GRAMD1B: variants seen among roughly 807,000 people sequenced by gnomAD.
GRAMD1B encodes the protein GRAM domain containing 1B.
Under a neutral mutation model 99.7 loss-of-function variants are expected in GRAMD1B, and 37 were observed. That is an observed-to-expected ratio of 0.37 (90% confidence interval 0.29 to 0.49). The LOEUF is 0.49. Among genes scored for constraint, GRAMD1B ranks in the 20% least tolerant of loss-of-function variants. The pLI is 0.98. For missense variants in GRAMD1B, 888 were observed against 1,009.2 expected, an observed-to-expected ratio of 0.88 and a Z score of 1.63; for synonymous variants, 427 against 387.6, an observed-to-expected ratio of 1.10 and a Z score of -1.19.
At chr11:123,586,196 C>T (rs894957865) in intron 4 of GRAMD1B, among the ~76,000 whole-genome samples, 1 of 152,146 alleles carries the variant, frequency 6.6e-6, no homozygotes, top group Non-Finnish European at 1.5e-5. Flanking sequence ...GTCAGGGGTT[C>T]GGATGACACA....
At chr11:123,405,205 TG>T (rs1947812948) in intron 1 of GRAMD1B, among the ~76,000 whole-genome samples, 1 of 151,676 alleles carries the variant, frequency 6.6e-6, no homozygotes, top group African/African-American at 2.4e-5. Flanking sequence ...TGTGTGTGTG[TG>T]TGTGTGTGTG....
chr11:123,513,849 T>C (rs12417333), intron 2 of GRAMD1B, among the ~76,000 whole-genome samples: 27,416 of 151,340 alleles, frequency 0.18, 2,756 homozygotes, highest in Admixed American at 0.25. Context: ...AGAAATGGAG[T>C]CTCACTATGT....
chr11:123,557,339 A>G (rs1474900581), intron 2 of GRAMD1B, among the ~76,000 whole-genome samples: 3 of 152,130 alleles, frequency 2.0e-5, no homozygotes, highest in African/African-American at 4.8e-5. Context: ...TTACTTTTCT[A>G]TTATTTAATG....
chr11:123,617,169 CTTTTTTT>C (rs34788392), intron 17 of GRAMD1B, among the ~76,000 whole-genome samples: 1 of 133,684 alleles, frequency 7.5e-6, no homozygotes, highest in Non-Finnish European at 1.6e-5. Flanking sequence ...TCTTTCTTTC[CTTTTTTT>C]TTTTTTTTTG....
chr11:123,370,184 G>A (rs1026917827), intron 1 of GRAMD1B, among the ~76,000 whole-genome samples: 2 of 151,680 alleles, frequency 1.3e-5, no homozygotes, highest in Non-Finnish European at 2.9e-5. Flanking sequence ...GGATGGTGAT[G>A]CATGCCTGTA....
chr11:123,606,889 G>A (rs1469463096), intron 11 of GRAMD1B, 91 bp downstream of exon 11: 12 of 954,504 alleles, frequency 1.3e-5, no homozygotes, highest in Middle Eastern at 2.1e-4. Flanking sequence ...TTAGTCTCTA[G>A]GTTCCTGGTG....
At chr11:123,555,895 G>A (rs702741) in intron 2 of GRAMD1B, among the ~76,000 whole-genome samples, 8,182 of 151,962 alleles carry the variant, frequency 0.054, 280 homozygotes, top group Non-Finnish European at 0.081. Flanking sequence ...CACCACGCCT[G>A]GCTAATTTTT....
At chr11:123,462,906 A>AT (rs1565519596) in intron 1 of GRAMD1B, among the ~76,000 whole-genome samples, 12 of 149,244 alleles carry the variant, frequency 8.0e-5, no homozygotes, top group African/African-American at 2.4e-4. Context: ...AAAAAAAAAA[A>AT]AAAAAAGAAA....
At chr11:123,508,038 A>C (rs967179146) in intron 2 of GRAMD1B, among the ~76,000 whole-genome samples, 2 of 152,222 alleles carry the variant, frequency 1.3e-5, no homozygotes, top group Admixed American at 6.5e-5. Context: ...TGGGGGAAAC[A>C]GTGTTGATCT....
chr11:123,485,841 A>C (rs886786519), intron 2 of GRAMD1B, among the ~76,000 whole-genome samples: 2 of 151,298 alleles, frequency 1.3e-5, no homozygotes, highest in Non-Finnish European at 2.9e-5. Context: ...CAGCCTCTCG[A>C]GTAGCTGGGA....
chr11:123,577,382 C>T lies in GRAMD1B; in HGVS notation c.468C>T (p.Ser156=), dbSNP rs1490604428. 1 of 1,587,170 alleles carries T rather than the reference C, an allele frequency of 6.3e-7. No individual in the cohort carries two copies. Among genetic ancestry groups the T allele is most frequent in the Non-Finnish European group, 8.6e-7 (1 of 1,167,378 alleles). ...RAREESTASN[S]NRSTPACSPI... ...GCCGCTGCAGCACTGCCAGTAACTC[C>T]AACCGCAGCACGCCGGCCTGCTCGC... The change falls in exon 3 of 20, where the codon TCC becomes TCT. Residue 156 remains serine, a synonymous_variant. Coordinates refer to ENST00000635736, the MANE Select transcript of GRAMD1B (RefSeq NM_001387025.1).
chr11:123,555,619 G>T (rs550262216), intron 2 of GRAMD1B, among the ~76,000 whole-genome samples: 5 of 152,292 alleles, frequency 3.3e-5, no homozygotes, highest in African/African-American at 1.2e-4. Flanking sequence ...AAAGTGCTGG[G>T]ATTACAGATG....
At chr11:123,594,404 C>A (rs1951018062) in intron 5 of GRAMD1B, among the ~76,000 whole-genome samples, 1 of 152,132 alleles carries the variant, frequency 6.6e-6, no homozygotes, top group African/African-American at 2.4e-5. Flanking sequence ...TGCAGTTGGC[C>A]CAGTGGCAGA....
At chr11:123,517,410 T>A (rs1941774137) in intron 2 of GRAMD1B, among the ~76,000 whole-genome samples, 1 of 152,132 alleles carries the variant, frequency 6.6e-6, no homozygotes, top group African/African-American at 2.4e-5. Flanking sequence ...TCTGTGGACA[T>A]GGGTTGGGAA....
chr11:123,604,677 A>T (rs3851094), intron 9 of GRAMD1B, among the ~76,000 whole-genome samples: 52,145 of 152,060 alleles, frequency 0.34, 9,408 homozygotes, highest in East Asian at 0.71. Flanking sequence ...CAAAATGCAC[A>T]TAAGGATTTC....
chr11:123,470,037 G>A (rs1950931728), intron 1 of GRAMD1B, among the ~76,000 whole-genome samples: 1 of 152,236 alleles, frequency 6.6e-6, no homozygotes, highest in South Asian at 2.1e-4. Flanking sequence ...GGGAAATAGA[G>A]TCATCTCTCT....
intron 1 of GRAMD1B, among the ~76,000 whole-genome samples, chr11:123,465,749 A>G (rs1354918667): frequency 1.3e-5 from 2 of 151,224 alleles, no homozygotes; most frequent in Non-Finnish European, 2.9e-5. Context: ...AGCCTGGGCA[A>G]CAAGAGTGAA....
chr11:123,408,199 T>C (rs17127343), intron 1 of GRAMD1B, among the ~76,000 whole-genome samples: 9,405 of 152,280 alleles, frequency 0.062, 749 homozygotes, highest in African/African-American at 0.19. Flanking sequence ...TTTTGTGGAC[T>C]TAACGCTTTC....
At chr11:123,528,605 A>G (rs1006021235) in intron 2 of GRAMD1B, among the ~76,000 whole-genome samples, 11 of 152,098 alleles carry the variant, frequency 7.2e-5, no homozygotes, top group African/African-American at 2.4e-4. Flanking sequence ...CAGCAGGGTA[A>G]GTTTCCCCAG....
Sources: gnomAD v4.1 joint callset for allele counts (sites outside exome capture counted in the v4.1 genomes callset) on GRCh38, gnomAD v4.1.1 for gene constraint, MANE v1.5 for transcripts, NCBI Gene and HGNC (gene_info 2026-07-23, HGNC 2026-07-21) for gene names.